Variants in LRMDA observed in about 807,000 individuals in gnomAD.
LRMDA encodes leucine-rich melanocyte differentiation-associated protein.
In LRMDA, 18 loss-of-function variants were observed where a neutral mutation model predicts 29.8. That is an observed-to-expected ratio of 0.60 (90% CI 0.42 to 0.90). The LOEUF is 0.90. Among genes scored for constraint, LRMDA ranks in the 40% least tolerant of loss-of-function variants. The pLI, the probability that LRMDA is intolerant of heterozygous loss-of-function variation, is 0.00. For synonymous variants in LRMDA, 125 were observed against 109.4 expected (o/e 1.14, Z -0.89); for missense variants, 273 against 273.9 (o/e 1.00, Z 0.02).
At chr10:75,983,441 CGAT>C (rs1321209401) in intron 2 of LRMDA, among the ~76,000 whole-genome samples, 1 of 152,084 alleles carries the variant, frequency 6.6e-6, no homozygotes, top group Non-Finnish European at 1.5e-5. Context: ...GTGATTCTGA[CGAT>C]GATGATGGTC....
chr10:75,674,486 T>TA (rs1841937333), intron 2 of LRMDA, among the ~76,000 whole-genome samples: 1 of 151,376 alleles, frequency 6.6e-6, no homozygotes, highest in African/African-American at 2.4e-5. Flanking sequence ...TCCATTTTTC[T>TA]TTTTTTTTCC....
intron 2 of LRMDA, among the ~76,000 whole-genome samples, chr10:76,006,091 G>A (rs981455773): frequency 2.0e-5 from 3 of 152,146 alleles, no homozygotes; most frequent in African/African-American, 7.2e-5. Flanking sequence ...ATCCGCCAAT[G>A]AGAAAAGTTG....
chr10:76,383,696 C>T (rs1841624141), intron 6 of LRMDA, among the ~76,000 whole-genome samples: 1 of 151,946 alleles, frequency 6.6e-6, no homozygotes, highest in Non-Finnish European at 1.5e-5. Context: ...TCCCAAAGTG[C>T]TGGGATTACA....
At chr10:75,541,587 G>A in intron 2 of LRMDA, among the ~76,000 whole-genome samples, 1 of 152,092 alleles carries the variant, frequency 6.6e-6, no homozygotes, top group East Asian at 1.9e-4. Context: ...CAGGATTGTA[G>A]GAGGAATACA....
At chr10:75,939,972 A>T (rs1013784770) in intron 2 of LRMDA, among the ~76,000 whole-genome samples, 14 of 152,196 alleles carry the variant, frequency 9.2e-5, no homozygotes, top group African/African-American at 3.4e-4. Flanking sequence ...AGACCCCCCA[A>T]ATCTGGCAGA....
chr10:76,006,118 A>G (rs1847651680), intron 2 of LRMDA, among the ~76,000 whole-genome samples: 1 of 152,116 alleles, frequency 6.6e-6, no homozygotes, highest in Admixed American at 6.5e-5. Flanking sequence ...CAGAGGCCTC[A>G]GGCAAGGTCC....
chr10:75,787,969 C>T (rs936074386), intron 2 of LRMDA, among the ~76,000 whole-genome samples: 11 of 152,182 alleles, frequency 7.2e-5, no homozygotes, highest in African/African-American at 2.4e-4. Flanking sequence ...GAGGAGCTTG[C>T]AGTGAGCTGA....
chr10:76,316,160 C>T (rs1840695323), intron 5 of LRMDA, among the ~76,000 whole-genome samples: 1 of 152,174 alleles, frequency 6.6e-6, no homozygotes, highest in African/African-American at 2.4e-5. Context: ...GAGCTGTGGC[C>T]CTTCAGGGAG....
At chr10:75,565,088 C>G (rs1487937680) in intron 2 of LRMDA, among the ~76,000 whole-genome samples, 1 of 152,120 alleles carries the variant, frequency 6.6e-6, no homozygotes, top group African/African-American at 2.4e-5. Context: ...TGGAAATAGT[C>G]CACAAAGATT....
intron 2 of LRMDA, among the ~76,000 whole-genome samples, chr10:75,456,056 A>G (rs1844511808): frequency 1.3e-5 from 2 of 152,264 alleles, no homozygotes; most frequent in South Asian, 4.1e-4. Context: ...GGGACATAGA[A>G]GCTGGCCATG....
intron 5 of LRMDA, among the ~76,000 whole-genome samples, chr10:76,132,966 C>CTTTTTTTT (rs35997711): frequency 3.1e-4 from 18 of 57,378 alleles, no homozygotes; most frequent in Non-Finnish European, 4.7e-4. Context: ...CCACGCCCGG[C>CTTTTTTTT]TTTTTTTTTT....
In LRMDA at chr10:76,541,002, C is replaced by T. The variant is rs139580402; in HGVS notation, c.602-16207C>T. Among the ~76,000 whole-genome samples the T allele has an allele frequency of 8.0e-3, 1,212 of 152,272 alleles. 14 individuals carry two copies. Among genetic ancestry groups the T allele is most frequent in the Middle Eastern group, 0.017 (5 of 294 alleles). On this transcript the variant is annotated intron_variant, in intron 6 of 6. Transcript: ENST00000611255. ...TGAAATGAGTCATATAGTATCCAGTCCTAGCACCCATGGAGCAACATGTTT... is the reference window on the plus strand; with the variant it reads ...TGAAATGAGTCATATAGTATCCAGTTCTAGCACCCATGGAGCAACATGTTT...
At chr10:76,107,374 T>C (rs1317712422) in intron 5 of LRMDA, among the ~76,000 whole-genome samples, 1 of 152,168 alleles carries the variant, frequency 6.6e-6, no homozygotes, top group East Asian at 1.9e-4. Context: ...GGGACCACAT[T>C]TCAGAACCAG....
At chr10:76,414,101 C>T (rs1033760388) in intron 6 of LRMDA, among the ~76,000 whole-genome samples, 1 of 152,212 alleles carries the variant, frequency 6.6e-6, no homozygotes, top group Non-Finnish European at 1.5e-5. Context: ...TGATTGATCT[C>T]TGCCATTGAC....
chr10:76,467,166 T>G (rs1842572615), intron 6 of LRMDA, among the ~76,000 whole-genome samples: 1 of 152,234 alleles, frequency 6.6e-6, no homozygotes, highest in Non-Finnish European at 1.5e-5. Context: ...AACTCACTTT[T>G]CTCAGCTATG....
At chr10:75,745,648 T>C (rs1052014038) in intron 2 of LRMDA, among the ~76,000 whole-genome samples, 1 of 152,240 alleles carries the variant, frequency 6.6e-6, no homozygotes, top group Non-Finnish European at 1.5e-5. Context: ...TAAGAAAACA[T>C]TGGAACAATA....
At chr10:76,339,025 A>T (rs2132416951) in intron 6 of LRMDA, among the ~76,000 whole-genome samples, 1 of 152,328 alleles carries the variant, frequency 6.6e-6, no homozygotes, top group African/African-American at 2.4e-5. Flanking sequence ...ACCATCATGA[A>T]GACTTTAGCA....
rs187392028 is a variant in LRMDA at position 75,659,923 on chromosome 10, C to T, written c.131+221429C>T. 1.7e-3 allele frequency among the ~76,000 whole-genome samples: 255 copies of T among 152,132 alleles called. 1 individual carries two copies. The highest frequency in any genetic ancestry group is 6.0e-3 in the African/African-American group (249 of 41,490). ...CCATCATTGCCCTATGATTTTTTTG[C>T]TCTTCACTAAGTGAGATGCATATAC... On this transcript the variant is annotated intron_variant, in intron 2 of 6. Coordinates refer to ENST00000611255, the MANE Select transcript of LRMDA (RefSeq NM_001305581.2).
intron 6 of LRMDA, among the ~76,000 whole-genome samples, chr10:76,420,509 T>C (rs1156496353): frequency 6.6e-6 from 1 of 152,020 alleles, no homozygotes; most frequent in African/African-American, 2.4e-5. Context: ...TTGTTGGCTG[T>C]TTTAATGTAC....
Sources: gnomAD v4.1 joint callset for allele counts (sites outside exome capture counted in the v4.1 genomes callset) on GRCh38, gnomAD v4.1.1 for gene constraint, MANE v1.5 for transcripts, NCBI Gene and HGNC (gene_info 2026-07-23, HGNC 2026-07-21) for gene names.